CSMD1: variants seen among roughly 807,000 people sequenced by gnomAD.
CSMD1 encodes the protein CUB and sushi domain-containing protein 1.
A neutral mutation model predicts 417.5 loss-of-function variants in CSMD1; 213 were observed. The observed-to-expected ratio is 0.51, with a 90% confidence interval of 0.46 to 0.57. The LOEUF is 0.57. Among genes scored for constraint, CSMD1 ranks in the 20% least tolerant of loss-of-function variants. The pLI, the probability that CSMD1 is intolerant of heterozygous loss-of-function variation, is 0.00. For synonymous variants in CSMD1, 2,862 were observed against 1,736.8 expected (o/e 1.65, Z -16.11); for missense variants, 6,923 against 4,529.7 (o/e 1.53, Z -15.17).
At chr8:4,881,108 T>A (rs1392285360) in intron 1 of CSMD1, among the ~76,000 whole-genome samples, 1 of 152,040 alleles carries the variant, frequency 6.6e-6, no homozygotes, top group Non-Finnish European at 1.5e-5. Context: ...TCTTCCCCTA[T>A]TAATAGTATC....
chr8:3,528,033 G>A (rs143373610), intron 10 of CSMD1, among the ~76,000 whole-genome samples: 261 of 152,204 alleles, frequency 1.7e-3, no homozygotes, highest in African/African-American at 6.2e-3. Flanking sequence ...TCCAGCCATT[G>A]CCATTTGTCC....
chr8:3,492,039 A>C lies in CSMD1; in HGVS notation c.1448+1584T>G, dbSNP rs533917014. ...GGGAGGGGTAGGAAGGGATGAGGAA[A>C]AGGATTAATCAGTGAAGGAGAACTT... On this transcript the variant is annotated intron_variant, in intron 11 of 69. Transcript: ENST00000635120. 1.2e-4 allele frequency among the ~76,000 whole-genome samples: 19 copies of C among 152,308 alleles called. 1 individual carries two copies. In the South Asian group the frequency reaches 3.7e-3, roughly 30 times the overall value.
At chr8:3,679,874 A>G (rs972302514) in intron 7 of CSMD1, among the ~76,000 whole-genome samples, 1 of 152,370 alleles carries the variant, frequency 6.6e-6, no homozygotes, top group South Asian at 2.1e-4. Flanking sequence ...ACTCAGGATT[A>G]AGAAACTCAC....
At chr8:4,248,100 G>C (rs552261915) in intron 3 of CSMD1, among the ~76,000 whole-genome samples, 2 of 152,096 alleles carry the variant, frequency 1.3e-5, no homozygotes, top group African/African-American at 4.8e-5. Context: ...TTATTTTTGT[G>C]TATATTTCCA....
chr8:3,755,504 A>G (rs1281497926), intron 5 of CSMD1, among the ~76,000 whole-genome samples: 2 of 152,158 alleles, frequency 1.3e-5, no homozygotes, highest in Non-Finnish European at 2.9e-5. Context: ...TTTTAGCAGG[A>G]ACTTGAACTG....
chr8:3,996,695 T>A (rs994273698), intron 5 of CSMD1, among the ~76,000 whole-genome samples: 1 of 152,160 alleles, frequency 6.6e-6, no homozygotes, highest in Non-Finnish European at 1.5e-5. Flanking sequence ...TTGTTCAGCA[T>A]GAAAAAAATT....
intron 7 of CSMD1, among the ~76,000 whole-genome samples, chr8:3,636,301 T>C (rs1411047415): frequency 2.0e-5 from 3 of 152,144 alleles, no homozygotes; most frequent in Non-Finnish European, 4.4e-5. Flanking sequence ...CTGAGGCTGT[T>C]GTACAGGCCG....
At chr8:3,852,410 C>T (rs1803977182) in intron 5 of CSMD1, among the ~76,000 whole-genome samples, 1 of 152,166 alleles carries the variant, frequency 6.6e-6, no homozygotes, top group South Asian at 2.1e-4. Flanking sequence ...CAGTGAACCA[C>T]ACTCCCCTGT....
intron 52 of CSMD1, among the ~76,000 whole-genome samples, chr8:3,011,737 G>A (rs1450332113): frequency 6.6e-6 from 1 of 152,168 alleles, no homozygotes; most frequent in Non-Finnish European, 1.5e-5. Context: ...AGAGAGGATG[G>A]GTTCTTATGT....
intron 5 of CSMD1, among the ~76,000 whole-genome samples, chr8:3,909,491 G>A (rs1390932168): frequency 6.6e-6 from 1 of 152,208 alleles, no homozygotes; most frequent in South Asian, 2.1e-4. Flanking sequence ...TATCCAGAGA[G>A]CTTTCTCCCA....
intron 3 of CSMD1, among the ~76,000 whole-genome samples, chr8:4,163,935 A>G (rs983619012): frequency 9.9e-5 from 15 of 152,282 alleles, no homozygotes; most frequent in East Asian, 3.9e-4. Flanking sequence ...CATCTGTTAT[A>G]TAAGTTTTCC....
At chr8:4,154,490 G>C (rs1241371157) in intron 3 of CSMD1, among the ~76,000 whole-genome samples, 4 of 152,126 alleles carry the variant, frequency 2.6e-5, no homozygotes, top group Non-Finnish European at 4.4e-5. Context: ...TTTACCCCAA[G>C]TTCAAAACTG....
chr8:3,653,416 G>T (rs547520670), intron 7 of CSMD1, among the ~76,000 whole-genome samples: 3 of 152,070 alleles, frequency 2.0e-5, no homozygotes, highest in Non-Finnish European at 4.4e-5. Context: ...TCAAACGATT[G>T]TCCTGCCTCA....
At chr8:4,393,553 G>C (rs905542187) in intron 3 of CSMD1, among the ~76,000 whole-genome samples, 50 of 152,166 alleles carry the variant, frequency 3.3e-4, no homozygotes, top group Non-Finnish European at 1.2e-4. Context: ...AGCTAGATAA[G>C]CATGCAGCAA....
At chr8:4,176,018 A>G (rs535775015) in intron 3 of CSMD1, among the ~76,000 whole-genome samples, 82 of 152,272 alleles carry the variant, frequency 5.4e-4, no homozygotes, top group African/African-American at 1.9e-3. Context: ...GCTTCTCGCC[A>G]TAGCCATTTC....
At chr8:3,050,131 G>T (rs1167272107) in intron 50 of CSMD1, among the ~76,000 whole-genome samples, 3 of 149,200 alleles carry the variant, frequency 2.0e-5, no homozygotes, top group Non-Finnish European at 4.4e-5. Flanking sequence ...ACTGATGATT[G>T]GTCTCCACCT....
chr8:3,681,543 T>G (rs967002261), intron 7 of CSMD1, among the ~76,000 whole-genome samples: 2 of 152,062 alleles, frequency 1.3e-5, no homozygotes, highest in Non-Finnish European at 2.9e-5. Flanking sequence ...TAAAAGAGGA[T>G]ACAAACAAAT....
intron 3 of CSMD1, among the ~76,000 whole-genome samples, chr8:4,051,879 T>TCTTCCTTCCTTC (rs71205410): frequency 2.3e-4 from 14 of 61,944 alleles, no homozygotes; most frequent in African/African-American, 6.3e-4. Context: ...CTTCCTCCTT[T>TCTTCCTTCCTTC]CTTCCTTCCT....
At chr8:4,233,258 G>A (rs1002427839) in intron 3 of CSMD1, among the ~76,000 whole-genome samples, 3 of 152,124 alleles carry the variant, frequency 2.0e-5, no homozygotes, top group Non-Finnish European at 4.4e-5. Context: ...GGGAAGATCA[G>A]CTTCTTTGTA....
Sources: allele counts gnomAD v4.1 joint callset (sites outside exome capture counted in the v4.1 genomes callset), GRCh38; gene constraint gnomAD v4.1.1; transcripts MANE v1.5; gene names NCBI Gene and HGNC (gene_info 2026-07-23, HGNC 2026-07-21).